The following CLUAP1 variants were observed in gnomAD, a reference collection of about 807,000 sequenced individuals.
The protein encoded by CLUAP1 is intraflagellar transport 38.
Under a neutral mutation model 55.0 loss-of-function variants are expected in CLUAP1, and 50 were observed. That is an observed-to-expected ratio of 0.91 (90% CI 0.72 to 1.15). The LOEUF is 1.15. Among genes scored for constraint, CLUAP1 ranks in the 50% most tolerant of loss-of-function variants. The probability of loss-of-function intolerance (pLI) is 0.00; values close to 1 mark genes in which losing one functional copy is unlikely to be tolerated. For missense variants in CLUAP1, 530 were observed against 507.6 expected (o/e 1.04, Z -0.42); for synonymous variants, 195 against 175.4 (o/e 1.11, Z -0.88).
upstream of CLUAP1, chr16:3,496,375 C>G (rs1261351837): frequency 3.3e-6 from 4 of 1,204,462 alleles, no homozygotes; most frequent in Non-Finnish European, 4.8e-6. Flanking sequence ...GTCGCACCAA[C>G]CGGCCACCTC....
intron 1 of CLUAP1, among the ~76,000 whole-genome samples, chr16:3,502,345 G>A (rs1463926768): frequency 6.6e-6 from 1 of 151,846 alleles, no homozygotes; most frequent in Admixed American, 6.6e-5. Context: ...TTGGGAAGCT[G>A]AGGCAGGAGA....
chr16:3,515,442 C>A, intron 5 of CLUAP1, 66 bp from the exon 6 acceptor site: 1 of 1,155,600 alleles, frequency 8.7e-7, no homozygotes, highest in Non-Finnish European at 1.3e-6. Context: ...ACATCTAGAT[C>A]TAGGAATACT....
chr16:3,508,206 T>C (rs2037545994), intron 3 of CLUAP1, 83 bp from the exon 4 acceptor site: 7 of 1,270,328 alleles, frequency 5.5e-6, no homozygotes, highest in Middle Eastern at 2.6e-4. Flanking sequence ...AGCAGAGGCA[T>C]TTTCAACTCA....
At chr16:3,521,548 C>T (rs1171352406) in intron 7 of CLUAP1, among the ~76,000 whole-genome samples, 1 of 151,580 alleles carries the variant, frequency 6.6e-6, no homozygotes, top group Non-Finnish European at 1.5e-5. Flanking sequence ...GATTCTCCTG[C>T]CTCAGCCTCT....
intron 8 of CLUAP1, among the ~76,000 whole-genome samples, chr16:3,524,632 T>G (rs1277012705): frequency 1.3e-5 from 2 of 151,382 alleles, no homozygotes; most frequent in Non-Finnish European, 2.9e-5. Flanking sequence ...GAAAGAGATT[T>G]TCAAGTCCTG....
chr16:3,515,688 A>G, intron 6 of CLUAP1, 97 bp downstream of exon 6: 1 of 747,850 alleles, frequency 1.3e-6, no homozygotes, highest in Non-Finnish European at 2.1e-6. Context: ...AGGCTTAGTA[A>G]CAAGGGATGT....
chr16:3,504,842 C>T lies in CLUAP1; in HGVS notation c.134+11C>T, dbSNP rs1459137780. 4.2e-6 allele frequency: 6 copies of T among 1,427,522 alleles called. No homozygotes were observed. Among genetic ancestry groups the T allele is most frequent in the South Asian group, 1.1e-5 (1 of 87,238 alleles). 88.4% of individuals were successfully genotyped at this position (1,427,522 alleles called of 1,614,324 possible). A position where few individuals can be genotyped will look rare whatever the true frequency, so the allele number is the denominator to read the frequency against. On this transcript the variant is annotated intron_variant, in intron 2 of 11. Transcript: ENST00000576634. ...CTGGCTTGTGAAAAGGTTCGAACGG[C>T]ACTTTATTGACATCTAAGAGTGAAT...
At position 3,524,596 on chromosome 16, in the gene CLUAP1, CAAAAAAAAAAAA is replaced by C. The variant is rs755040158; in HGVS notation, c.855+1311_855+1322del. ...TGGGCGACAGAGCAAGACACCATCT[CAAAAAAAAAAAA>C]AAAAAAAAAAAAAGAAAGAGATTTT... On this transcript the variant is annotated intron_variant, in intron 8 of 11. Coordinates refer to ENST00000576634, the MANE Select transcript of CLUAP1 (RefSeq NM_015041.3). 2.0e-4 allele frequency among the ~76,000 whole-genome samples: 7 copies of C among 34,284 alleles called. No homozygotes were observed. In the East Asian group the frequency reaches 2.5e-3, roughly 12 times the overall value. 22.5% of individuals were successfully genotyped at this position (34,284 alleles called of 152,430 possible).
At chr16:3,523,953 A>G (rs998072389) in intron 8 of CLUAP1, among the ~76,000 whole-genome samples, 3 of 152,246 alleles carry the variant, frequency 2.0e-5, no homozygotes, top group Middle Eastern at 6.8e-3. Flanking sequence ...ACAACAGAGC[A>G]AGATCCCATC....
chr16:3,533,220 G>A (rs1214356456), intron 11 of CLUAP1: 14 of 1,310,800 alleles, frequency 1.1e-5, no homozygotes, highest in Non-Finnish European at 1.5e-5. Flanking sequence ...GCCAGCCAGG[G>A]GCCTCTCCCT....
intron 5 of CLUAP1, among the ~76,000 whole-genome samples, chr16:3,513,402 C>A (rs540904405): frequency 6.6e-6 from 1 of 152,278 alleles, no homozygotes; most frequent in South Asian, 2.1e-4. Context: ...CCATCACCTA[C>A]ATTTAAGTAG....
upstream of CLUAP1, among the ~76,000 whole-genome samples, chr16:3,500,059 CAA>C (rs1278999103): frequency 6.6e-6 from 1 of 152,266 alleles, no homozygotes; most frequent in Non-Finnish European, 1.5e-5. Flanking sequence ...AGCTACCTTA[CAA>C]AACCCGGCTG....
chr16:3,517,559 G>A (rs186064257), intron 6 of CLUAP1, among the ~76,000 whole-genome samples: 1 of 151,896 alleles, frequency 6.6e-6, no homozygotes, highest in African/African-American at 2.4e-5. Flanking sequence ...TGATCCGCCC[G>A]CCTTGACCTC....
In CLUAP1 at chr16:3,506,352, C is replaced by T. The variant is rs1322616706; in HGVS notation, c.156C>T (p.Ile52=). The T allele has an allele frequency of 5.0e-6, 8 of 1,613,912 alleles. No homozygotes were observed. The highest frequency in any genetic ancestry group is 6.8e-6 in the Non-Finnish European group (8 of 1,179,926). ...ATAGATATGAGCCCCAGACTGACATCCCGCCTGACGTGGATACTGAACAGG... is the reference window on the plus strand; with the variant it reads ...ATAGATATGAGCCCCAGACTGACATTCCGCCTGACGTGGATACTGAACAGG... ...LVKRYEPQTD[I]PPDVDTEQDR... The change falls in exon 3 of 12, where the codon ATC becomes ATT. Residue 52 remains isoleucine (I), a synonymous_variant. Transcript: ENST00000576634.
At chr16:3,529,677 T>A (rs1327491055) in intron 9 of CLUAP1, among the ~76,000 whole-genome samples, 8 of 14,208 alleles carry the variant, frequency 5.6e-4, no homozygotes, top group African/African-American at 1.4e-3. Context: ...TTATTATATA[T>A]TATATATTAT....
rs377209515 is a variant in CLUAP1 at position 3,508,378 on chromosome 16, C to G, written c.309C>G (p.Val103=). Residue 103 remains valine (V), a synonymous_variant, in exon 4 of 12, where the codon GTC becomes GTG. Coordinates refer to ENST00000576634, the MANE Select transcript of CLUAP1 (RefSeq NM_015041.3). Reference sequence around the variant, plus strand: ...AAGAGCTGCTGAAGATCACATCTGTCCTTTATAATGCTATGAAGACCAAGG... The same window carrying G: ...AAGAGCTGCTGAAGATCACATCTGTGCTTTATAATGCTATGAAGACCAAGG... ...AVKELLKITS[V]LYNAMKTKGM... The G allele has an allele frequency of 6.9e-5, 111 of 1,607,048 alleles. No individual in the cohort carries two copies. The highest frequency in any genetic ancestry group is 8.7e-5 in the Non-Finnish European group (102 of 1,178,256).
At chr16:3,496,021 G>A (rs1487687613), upstream of CLUAP1, among the ~76,000 whole-genome samples, 2 of 151,918 alleles carry the variant, frequency 1.3e-5, no homozygotes, top group Non-Finnish European at 2.9e-5. Flanking sequence ...GGAGCCTGTA[G>A]TCCCAGTTAC....
chr16:3,496,012 G>A (rs1350975898), upstream of CLUAP1, among the ~76,000 whole-genome samples: 5 of 152,028 alleles, frequency 3.3e-5, no homozygotes, highest in Non-Finnish European at 2.9e-5. Flanking sequence ...GTCGTGGCGG[G>A]AGCCTGTAGT....
At chr16:3,529,456 A>ATAATATATATTATATTATATAT (rs1555495522) in intron 9 of CLUAP1, among the ~76,000 whole-genome samples, 8 of 73,612 alleles carry the variant, frequency 1.1e-4, no homozygotes, top group Non-Finnish European at 1.6e-4. Flanking sequence ...ATATATTATT[A>ATAATATATATTATATTATATAT]TATATAATAT....
Sources: gnomAD v4.1 joint callset for allele counts (sites outside exome capture counted in the v4.1 genomes callset) on GRCh38, gnomAD v4.1.1 for gene constraint, MANE v1.5 for transcripts, NCBI Gene and HGNC (gene_info 2026-07-23, HGNC 2026-07-21) for gene names.